ZNF197: variants seen among roughly 807,000 people sequenced by gnomAD.
The protein encoded by ZNF197 is zinc finger protein 197, also known as VHL-associated KRAB-A domain-containing protein.
In ZNF197, 14 loss-of-function variants were observed where a neutral mutation model predicts 27.4. The ratio of observed to expected loss-of-function variants is 0.51; its 90% confidence interval spans 0.34 to 0.80. ZNF197 has a LOEUF of 0.80. ZNF197 is among the 30% of genes least tolerant of loss of function. The pLI, the probability that ZNF197 is intolerant of heterozygous loss-of-function variation, is 0.02. For missense variants in ZNF197, 1,090 were observed against 1,222.6 expected (o/e 0.89, Z 1.62); for synonymous variants, 415 against 420.0 (o/e 0.99, Z 0.15).
chr3:44,643,224 A>T lies in ZNF197; in HGVS notation c.2094A>T (p.Arg698Ser). 6.2e-7 allele frequency: 1 copy of T among 1,614,018 alleles called. No homozygotes were observed. The change falls in exon 6 of 6, where the codon AGA becomes AGT. Residue 698 changes from arginine to serine, a missense_variant. Physicochemically the swap from Arg to Ser is moderately radical, Grantham distance 110. Transcript: ENST00000344387. ...ACAGAAACCTCATTGACCATGAGAG[A>T]CTCCACAATGGGGAGAAGCCATATG... ...GSNRNLIDHE[R>S]LHNGEKPYEC...
chr3:44,638,846 G>A (rs1488877415), intron 5 of ZNF197, among the ~76,000 whole-genome samples: 1 of 152,090 alleles, frequency 6.6e-6, no homozygotes, highest in Non-Finnish European at 1.5e-5. Flanking sequence ...AGGACCACAG[G>A]CACACACCAA....
At chr3:44,639,416 C>T (rs187352167) in intron 5 of ZNF197, among the ~76,000 whole-genome samples, 15 of 151,168 alleles carry the variant, frequency 9.9e-5, no homozygotes, top group Non-Finnish European at 1.8e-4. Flanking sequence ...TAGAATTTGC[C>T]AGTGAAGCAG....
intron 1 of ZNF197, among the ~76,000 whole-genome samples, chr3:44,625,964 C>T (rs1303704632): frequency 6.6e-6 from 1 of 152,116 alleles, no homozygotes; most frequent in Non-Finnish European, 1.5e-5. Flanking sequence ...AATTAGAATC[C>T]CTGAATTCAG....
chr3:44,625,750 GCACACACA>G (rs56833441), intron 1 of ZNF197, among the ~76,000 whole-genome samples: 45,029 of 148,884 alleles, frequency 0.3, 7,076 homozygotes, highest in Non-Finnish European at 0.36. Context: ...GCGCGCGCGC[GCACACACA>G]CACACACACA....
In ZNF197 at chr3:44,647,616, C is replaced by T. The variant is rs1239338217; in HGVS notation, c.*3396C>T. The T allele has an allele frequency of 6.6e-6, 1 of 152,124 alleles. No individual in the cohort carries two copies. Among genetic ancestry groups the T allele is most frequent in the African/African-American group, 2.4e-5 (1 of 41,418 alleles). The allele number at this position is 152,124 out of a possible 1,614,324, so 9.4% of individuals were successfully genotyped here. On this transcript the variant is annotated 3_prime_UTR_variant, in exon 6 of 6. Coordinates refer to ENST00000344387, the MANE Select transcript of ZNF197 (RefSeq NM_006991.5). The stretch of plus-strand genomic sequence containing the variant: ...GTATTACCATGGAATACTTGTTACT[C>T]TGCAATAAAATTGACTTATTGATAT...
chr3:44,642,512 A>G lies in ZNF197; in HGVS notation c.1382A>G (p.Lys461Arg). 1 of 1,614,120 alleles carries G rather than the reference A, an allele frequency of 6.2e-7. No homozygotes were observed. Among genetic ancestry groups the G allele is most frequent in the Non-Finnish European group, 8.5e-7 (1 of 1,179,988 alleles). Residue 461 changes from lysine (K) to arginine (R), a missense_variant, in exon 6 of 6, where the codon AAG (lysine) becomes AGG (arginine). Coordinates refer to ENST00000344387, the MANE Select transcript of ZNF197 (RefSeq NM_006991.5). ...EKPYKCKECG[K>R]GFYRHSGLII... ...CCTTATAAGTGTAAGGAGTGTGGAA[A>G]GGGCTTCTATAGGCACTCAGGCCTA...
At chr3:44,636,397 A>G (rs1017865094) in intron 5 of ZNF197, among the ~76,000 whole-genome samples, 12 of 152,106 alleles carry the variant, frequency 7.9e-5, no homozygotes, top group African/African-American at 2.4e-4. Flanking sequence ...CATTCCTCCA[A>G]TCCAGCCCTA....
At chr3:44,636,363 A>T (rs1002504884) in intron 5 of ZNF197, among the ~76,000 whole-genome samples, 1 of 151,992 alleles carries the variant, frequency 6.6e-6, no homozygotes. Flanking sequence ...ACCCTTCAGC[A>T]GTCCACCTTC....
chr3:44,633,681 A>G (rs1179736372), intron 5 of ZNF197, among the ~76,000 whole-genome samples: 1 of 152,232 alleles, frequency 6.6e-6, no homozygotes, highest in Non-Finnish European at 1.5e-5. Context: ...CATGCTTTAC[A>G]TTGACAGCTT....
Position 44,646,143 on chromosome 3 carries a change from G to T in ZNF197, c.*1923G>T. ...GCTTAAAGTCTTAAGACCTGGATGT[G>T]GTTCAGGTTTTGCCATCTGCCTCAG... On this transcript the variant is annotated 3_prime_UTR_variant, in exon 6 of 6. Coordinates refer to ENST00000344387, the MANE Select transcript of ZNF197 (RefSeq NM_006991.5). 1.0e-6 allele frequency: 1 copy of T among 984,304 alleles called. No individual in the cohort carries two copies. The highest frequency in any genetic ancestry group is 1.7e-5 in the African/African-American group (1 of 57,312). 61.0% of individuals were successfully genotyped at this position (984,304 alleles called of 1,614,324 possible).
rs534712798 is a variant in ZNF197, at chr3:44,631,241, G to A, written c.550+20G>A. The A allele has an allele frequency of 1.9e-5, 30 of 1,613,546 alleles. No homozygotes were observed. In the South Asian group the frequency reaches 2.0e-4, roughly 11 times the overall value. ...AGCATGGTATTTACTCAGTGCTCTG[G>A]GTTTTGGGCTGTTCAAGGACCCTTC... is the stretch of plus-strand genomic sequence containing the variant. On this transcript the variant is annotated intron_variant, in intron 3 of 5. Coordinates refer to ENST00000344387, the MANE Select transcript of ZNF197 (RefSeq NM_006991.5).
chr3:44,630,929 T>C, intron 2 of ZNF197, 133 bp from the exon 3 acceptor site: 1 of 1,233,210 alleles, frequency 8.1e-7, no homozygotes, highest in Non-Finnish European at 1.2e-6. Flanking sequence ...ACTGCTGTTT[T>C]GATGCTCCAT....
intron 2 of ZNF197, among the ~76,000 whole-genome samples, chr3:44,630,645 T>C (rs541194237): frequency 6.6e-6 from 1 of 152,306 alleles, no homozygotes; most frequent in Non-Finnish European, 1.5e-5. Flanking sequence ...CCAATTTTAG[T>C]GTTAGTTGTA....
In ZNF197 at chr3:44,645,322, T is replaced by C. The variant is rs1702893405; in HGVS notation, c.*1102T>C. The C allele has an allele frequency of 1.0e-6, 1 of 985,232 alleles. No individual in the cohort carries two copies. Among genetic ancestry groups the C allele is most frequent in the African/African-American group, 1.7e-5 (1 of 57,184 alleles). The allele number at this position is 985,232 out of a possible 1,614,324, so 61.0% of individuals were successfully genotyped here. On this transcript the variant is annotated 3_prime_UTR_variant, in exon 6 of 6. Coordinates refer to ENST00000344387, the MANE Select transcript of ZNF197 (RefSeq NM_006991.5). The stretch of plus-strand genomic sequence containing the variant: ...GTAAGTTTGTGTATTAAGTCAATAT[T>C]AGAATGAGGGGGATTCCAGGAACCT...
rs753786060 is a variant in ZNF197 at position 44,647,591 on chromosome 3, G to C, written c.*3371G>C. The C allele has an allele frequency of 1.9e-4, 29 of 152,138 alleles. No homozygotes were observed. Among genetic ancestry groups the C allele is most frequent in the Admixed American group, 1.5e-3 (23 of 15,278 alleles). The allele number at this position is 152,138 out of a possible 1,614,324, so 9.4% of individuals were successfully genotyped here. On this transcript the variant is annotated 3_prime_UTR_variant, in exon 6 of 6. Coordinates refer to ENST00000344387, the MANE Select transcript of ZNF197 (RefSeq NM_006991.5). Reference sequence around the variant, plus strand: ...GTGGTTAAAACAAATTGTGGTTTATGTATTACCATGGAATACTTGTTACTC... The same window carrying C: ...GTGGTTAAAACAAATTGTGGTTTATCTATTACCATGGAATACTTGTTACTC...
chr3:44,640,569 G>T lies in ZNF197; in HGVS notation c.770-1331G>T, dbSNP rs1223307792. Among the ~76,000 whole-genome samples, 1 of 152,130 alleles carries T rather than the reference G, an allele frequency of 6.6e-6. No individual in the cohort carries two copies. Among genetic ancestry groups the T allele is most frequent in the South Asian group, 2.1e-4 (1 of 4,822 alleles). ...ATTTTTGTATTTTTGGTAGAGACAG[G>T]GTTTCACCATGTTGGCCAGGCTGGT... is the stretch of plus-strand genomic sequence containing the variant. On this transcript the variant is annotated intron_variant, in intron 5 of 5. Coordinates refer to ENST00000344387, the MANE Select transcript of ZNF197 (RefSeq NM_006991.5). This position sits in a 1 kb window ranked among gnomAD's most constrained non-coding sequence, Gnocchi z 4.0.
intron 1 of ZNF197, 113 bp from the exon 2 acceptor site, chr3:44,628,961 C>T (rs1026394341): frequency 1.3e-4 from 89 of 684,816 alleles, no homozygotes; most frequent in Non-Finnish European, 1.8e-4. Flanking sequence ...TGGAACCTTG[C>T]ACTCACAAAG....
rs145800229 is a variant in ZNF197, at chr3:44,643,035, T to A, written c.1905T>A (p.Ala635=). The A allele has an allele frequency of 1.2e-6, 2 of 1,613,686 alleles. No homozygotes were observed. The highest frequency in any genetic ancestry group is 1.7e-6 in the Non-Finnish European group (2 of 1,179,942). The change falls in exon 6 of 6, where the codon GCT becomes GCA. Residue 635 remains alanine, a synonymous_variant. Transcript: ENST00000344387. The part of the protein sequence containing the change: ...TECGKAFTQS[A]YLFDHQRLHN... ...GTGGGAAAGCCTTTACTCAAAGTGC[T>A]TACCTTTTTGACCACCAGAGACTCC...
At chr3:44,635,140 A>G (rs1440164591) in intron 5 of ZNF197, among the ~76,000 whole-genome samples, 1 of 151,630 alleles carries the variant, frequency 6.6e-6, no homozygotes, top group Non-Finnish European at 1.5e-5. Flanking sequence ...ATACTAAAAT[A>G]AATTCCAGAT....
Sources: allele counts gnomAD v4.1 joint callset (sites outside exome capture counted in the v4.1 genomes callset), GRCh38; gene constraint gnomAD v4.1.1; non-coding constraint Gnocchi (gnomAD v3.1); transcripts MANE v1.5; gene names NCBI Gene and HGNC (gene_info 2026-07-23, HGNC 2026-07-21).